Variants in GRM5 observed in about 807,000 individuals in gnomAD.
GRM5 encodes the protein glutamate metabotropic receptor 5.
A neutral mutation model predicts 83.1 loss-of-function variants in GRM5; 19 were observed. The observed-to-expected ratio is 0.23, with a 90% CI of 0.16 to 0.34. The LOEUF (loss-of-function observed/expected upper bound fraction) is 0.34. GRM5 is among the 10% of genes least tolerant of loss of function. The pLI, the probability that GRM5 is intolerant of heterozygous loss-of-function variation, is 1.00. For synonymous variants in GRM5, 675 were observed against 633.6 expected, an observed-to-expected ratio of 1.07 and a Z score of -0.98; for missense variants, 1,160 against 1,588.3, an observed-to-expected ratio of 0.73 and a Z score of 4.58.
chr11:88,693,261 C>T (rs894077956), intron 3 of GRM5, among the ~76,000 whole-genome samples: 5 of 152,052 alleles, frequency 3.3e-5, no homozygotes, highest in Non-Finnish European at 5.9e-5. Flanking sequence ...TAGTTCTGAG[C>T]TTCTACAGTT....
At chr11:88,678,337 A>T (rs1940389813) in intron 3 of GRM5, among the ~76,000 whole-genome samples, 1 of 151,988 alleles carries the variant, frequency 6.6e-6, no homozygotes, top group Admixed American at 6.6e-5. Context: ...GGTATTATGG[A>T]TGTGAGCCAT....
At chr11:88,757,402 G>T (rs2135434254) in intron 3 of GRM5, among the ~76,000 whole-genome samples, 1 of 152,228 alleles carries the variant, frequency 6.6e-6, no homozygotes, top group South Asian at 2.1e-4. Flanking sequence ...TACTGCCATT[G>T]CAGTTGGAGC....
intron 2 of GRM5, among the ~76,000 whole-genome samples, chr11:89,017,732 G>A (rs1940894342): frequency 6.6e-6 from 1 of 152,162 alleles, no homozygotes; most frequent in Non-Finnish European, 1.5e-5. Context: ...TATATCAGAT[G>A]CACTGTTGCT....
intron 4 of GRM5, among the ~76,000 whole-genome samples, chr11:88,633,288 A>C (rs909593128): frequency 6.6e-6 from 1 of 152,182 alleles, no homozygotes; most frequent in African/African-American, 2.4e-5. Context: ...TAGGTAAATT[A>C]TATAGAAATT....
intron 2 of GRM5, among the ~76,000 whole-genome samples, chr11:89,028,924 C>T (rs1348341810): frequency 1.3e-5 from 2 of 152,140 alleles, no homozygotes; most frequent in Non-Finnish European, 2.9e-5. Context: ...TTTCCTAATG[C>T]TATCCCTTCC....
At chr11:88,760,232 C>T (rs997605119) in intron 3 of GRM5, among the ~76,000 whole-genome samples, 1 of 152,008 alleles carries the variant, frequency 6.6e-6, no homozygotes, top group Non-Finnish European at 1.5e-5. Context: ...CAGAGCTGAA[C>T]TGAAGGAAAT....
At chr11:88,749,302 G>A (rs554231579) in intron 3 of GRM5, among the ~76,000 whole-genome samples, 1 of 152,278 alleles carries the variant, frequency 6.6e-6, no homozygotes, top group East Asian at 1.9e-4. Context: ...GCACTCACAA[G>A]TATCAATAGC....
At chr11:89,044,796 A>G (rs1941609432) in intron 2 of GRM5, among the ~76,000 whole-genome samples, 2 of 151,936 alleles carry the variant, frequency 1.3e-5, no homozygotes, top group Admixed American at 6.6e-5. Flanking sequence ...GATAACTGAC[A>G]CTATCATTTC....
intron 2 of GRM5, among the ~76,000 whole-genome samples, chr11:88,906,253 A>G (rs1945402089): frequency 6.6e-6 from 1 of 152,130 alleles, no homozygotes; most frequent in Non-Finnish European, 1.5e-5. Flanking sequence ...ATATTGGTCT[A>G]TTTTGATGAA....
chr11:89,051,844 C>T lies in GRM5; in HGVS notation c.-200-3772G>A, dbSNP rs546355037. Among the ~76,000 whole-genome samples the T allele has an allele frequency of 3.9e-5, 6 of 152,272 alleles. No individual in the cohort carries two copies. The South Asian group carries it at 1.2e-3, about 32-fold the overall frequency. On this transcript the variant is annotated intron_variant, in intron 1 of 9. Coordinates refer to ENST00000305447, the MANE Select transcript of GRM5 (RefSeq NM_001143831.3). ...TTCCTGGATAATCAATTGAAGAAAT[C>T]TTATAAAGAAACCTGTAATAATCTA...
At chr11:88,934,384 T>C (rs1449074789) in intron 2 of GRM5, among the ~76,000 whole-genome samples, 1 of 151,936 alleles carries the variant, frequency 6.6e-6, no homozygotes, top group African/African-American at 2.4e-5. Flanking sequence ...AAAGCTGCTC[T>C]ATTTGTCATG....
rs183262302 is a variant in GRM5, at chr11:88,986,081, G to C, written c.661+61131C>G. 1.7e-3 allele frequency among the ~76,000 whole-genome samples: 264 copies of C among 152,176 alleles called. 1 individual carries two copies. Among genetic ancestry groups the C allele is most frequent in the African/African-American group, 6.1e-3 (254 of 41,536 alleles). On this transcript the variant is annotated intron_variant, in intron 2 of 9. Coordinates refer to ENST00000305447, the MANE Select transcript of GRM5 (RefSeq NM_001143831.3). ...TATAAATGTGTACACAAATGATTAT[G>C]GCAGGCTTATTACAGATATCCTTAA...
chr11:88,725,465 A>T (rs1941655377), intron 3 of GRM5, among the ~76,000 whole-genome samples: 1 of 152,178 alleles, frequency 6.6e-6, no homozygotes, highest in Non-Finnish European at 1.5e-5. Context: ...CAGCTTCAGC[A>T]GACTTAAATG....
chr11:88,811,194 T>C (rs1458142364), intron 3 of GRM5, among the ~76,000 whole-genome samples: 2 of 152,142 alleles, frequency 1.3e-5, no homozygotes. Context: ...AATACGTGTT[T>C]CCAGCAGGAC....
At position 88,522,601 on chromosome 11, in the gene GRM5, CTCTGTGTGTGTG is replaced by C. The variant is rs1941731119; in HGVS notation, c.2726+2696_2726+2707del. Among the ~76,000 whole-genome samples the C allele has an allele frequency of 6.4e-5, 6 of 93,606 alleles. No individual in the cohort carries two copies. In the South Asian group the frequency reaches 1.4e-3, roughly 22 times the overall value. The allele number at this position is 93,606 out of a possible 152,430, so 61.4% of individuals were successfully genotyped here. On this transcript the variant is annotated intron_variant, in intron 9 of 9. Coordinates refer to ENST00000305447, the MANE Select transcript of GRM5 (RefSeq NM_001143831.3). ...TCTCTCTCTCTCGCTCTCTCTCTCT[CTCTGTGTGTGTG>C]TGTGTGTGTGTGTGTGTGTGTGTGT... is the stretch of plus-strand genomic sequence containing the variant.
chr11:88,568,349 A>G (rs1565342451), intron 7 of GRM5, among the ~76,000 whole-genome samples: 1 of 152,174 alleles, frequency 6.6e-6, no homozygotes, highest in Non-Finnish European at 1.5e-5. Flanking sequence ...TGAAGCAGCA[A>G]AGGCCTCCTA....
chr11:88,891,066 T>C (rs1435169291), intron 2 of GRM5, among the ~76,000 whole-genome samples: 1 of 152,062 alleles, frequency 6.6e-6, no homozygotes, highest in East Asian at 1.9e-4. Flanking sequence ...ATAAAAGCAC[T>C]GTAAGGCTGT....
intron 3 of GRM5, among the ~76,000 whole-genome samples, chr11:88,748,046 A>G (rs2135423872): frequency 6.6e-6 from 1 of 152,302 alleles, no homozygotes; most frequent in East Asian, 1.9e-4. Context: ...GCAGAGAGCC[A>G]AAGGAACCCC....
intron 1 of GRM5, among the ~76,000 whole-genome samples, chr11:89,054,233 A>G (rs1454259498): frequency 1.3e-5 from 2 of 152,180 alleles, no homozygotes; most frequent in Admixed American, 1.3e-4. Flanking sequence ...GATTCTGAAT[A>G]TATTTTGAAG....
Sources: gnomAD v4.1 joint callset for allele counts (sites outside exome capture counted in the v4.1 genomes callset) on GRCh38, gnomAD v4.1.1 for gene constraint, MANE v1.5 for transcripts, NCBI Gene and HGNC (gene_info 2026-07-23, HGNC 2026-07-21) for gene names.